Variants in CNTN5 observed in about 807,000 individuals in gnomAD.
CNTN5 encodes contactin 5.
CNTN5 carries 77 observed loss-of-function variants against 129.1 expected under a neutral mutation model. That is an observed-to-expected ratio of 0.60 (90% CI 0.50 to 0.72). The LOEUF (loss-of-function observed/expected upper bound fraction) is 0.72. Among genes scored for constraint, CNTN5 ranks in the 30% least tolerant of loss-of-function variants. CNTN5 has a pLI of 0.00. For synonymous variants in CNTN5, 509 were observed against 465.6 expected, an observed-to-expected ratio of 1.09 and a Z score of -1.20; for missense variants, 1,478 against 1,328.8, an observed-to-expected ratio of 1.11 and a Z score of -1.75.
intron 1 of CNTN5, among the ~76,000 whole-genome samples, chr11:99,078,533 T>C (rs1038200472): frequency 1.3e-5 from 2 of 152,198 alleles, no homozygotes; most frequent in African/African-American, 4.8e-5. Context: ...AACCTAATTG[T>C]GCATCAACAG....
chr11:99,516,348 G>T (rs1427498618), intron 2 of CNTN5, among the ~76,000 whole-genome samples: 1 of 151,578 alleles, frequency 6.6e-6, no homozygotes, highest in Non-Finnish European at 1.5e-5. Context: ...AATAACCTTG[G>T]GTAATTAAAA....
intron 9 of CNTN5, among the ~76,000 whole-genome samples, chr11:100,016,272 C>G (rs1940815306): frequency 6.6e-6 from 1 of 152,044 alleles, no homozygotes; most frequent in Non-Finnish European, 1.5e-5. Flanking sequence ...TTACATTTTT[C>G]AAAAACATCT....
At chr11:100,066,413 A>G (rs1268729197) in intron 10 of CNTN5, among the ~76,000 whole-genome samples, 1 of 152,164 alleles carries the variant, frequency 6.6e-6, no homozygotes, top group Non-Finnish European at 1.5e-5. Flanking sequence ...GCAACAAAAG[A>G]GGCCAATAAC....
chr11:99,784,004 G>T (rs1161780224), intron 3 of CNTN5, among the ~76,000 whole-genome samples: 1 of 151,980 alleles, frequency 6.6e-6, no homozygotes, highest in East Asian at 2.0e-4. Flanking sequence ...AGCTGTTTTT[G>T]TGTGGTCCTG....
At chr11:99,879,160 A>G (rs1050942438) in intron 6 of CNTN5, among the ~76,000 whole-genome samples, 1 of 151,836 alleles carries the variant, frequency 6.6e-6, no homozygotes, top group Non-Finnish European at 1.5e-5. Flanking sequence ...CTGGTCTCGA[A>G]CTCTTGACAT....
At chr11:99,330,074 C>T (rs1476801102) in intron 2 of CNTN5, among the ~76,000 whole-genome samples, 1 of 140,360 alleles carries the variant, frequency 7.1e-6, no homozygotes, top group African/African-American at 2.7e-5. Flanking sequence ...CTGAAAGTCT[C>T]GTAAGACTTA....
At chr11:100,159,428 AGGTTGT>A (rs1565299685) in intron 13 of CNTN5, among the ~76,000 whole-genome samples, 2 of 151,888 alleles carry the variant, frequency 1.3e-5, no homozygotes, top group East Asian at 3.9e-4. Context: ...TAAGTCACCT[AGGTTGT>A]GGATTTCTCA....
At position 99,957,019 on chromosome 11, in the gene CNTN5, T is replaced by G. The variant is rs775365705; in HGVS notation, c.877+10T>G. ...ACTCTGCGTAATGATGGTAAGTTGC[T>G]TGGCCCGTTAAAATGGTCAGCCAAC... On this transcript the variant is annotated intron_variant, in intron 8 of 24. Coordinates refer to ENST00000524871, the MANE Select transcript of CNTN5 (RefSeq NM_014361.4). The G allele has an allele frequency of 5.6e-6, 9 of 1,610,804 alleles. No individual in the cohort carries two copies. The South Asian group carries it at 9.9e-5, about 18-fold the overall frequency.
At chr11:99,130,797 A>G (rs935175962) in intron 1 of CNTN5, among the ~76,000 whole-genome samples, 1 of 152,170 alleles carries the variant, frequency 6.6e-6, no homozygotes, top group Non-Finnish European at 1.5e-5. Flanking sequence ...AAAACTCAAT[A>G]TTAAGAAACC....
intron 2 of CNTN5, among the ~76,000 whole-genome samples, chr11:99,333,972 T>TCTCA (rs1370546957): frequency 6.7e-6 from 1 of 149,100 alleles, no homozygotes; most frequent in Admixed American, 6.7e-5. Context: ...TCTCTCTCTC[T>TCTCA]CACACACACA....
chr11:99,837,719 CAT>C (rs1947352412), intron 4 of CNTN5, among the ~76,000 whole-genome samples: 2 of 147,668 alleles, frequency 1.4e-5, no homozygotes, highest in Non-Finnish European at 3.0e-5. Context: ...TCAAATATCA[CAT>C]GTGATAATGA....
intron 2 of CNTN5, among the ~76,000 whole-genome samples, chr11:99,352,810 C>T (rs1336169149): frequency 1.3e-5 from 2 of 152,120 alleles, no homozygotes; most frequent in Non-Finnish European, 2.9e-5. Context: ...TACGTGCTGT[C>T]CTTGGGGTCA....
chr11:99,809,155 A>G (rs543253029), intron 3 of CNTN5, among the ~76,000 whole-genome samples: 1 of 152,208 alleles, frequency 6.6e-6, no homozygotes, highest in South Asian at 2.1e-4. Flanking sequence ...TATGGGGGAG[A>G]ATGATGTCAG....
intron 6 of CNTN5, among the ~76,000 whole-genome samples, chr11:99,858,374 A>G (rs1163197620): frequency 3.3e-5 from 5 of 152,070 alleles, no homozygotes; most frequent in Admixed American, 1.3e-4. Context: ...GGAATTTTTG[A>G]ACAGTCATTA....
In CNTN5 at chr11:100,294,633, T is replaced by G. The variant is rs148454281; in HGVS notation, c.2315-2992T>G. On this transcript the variant is annotated intron_variant, in intron 18 of 24. Coordinates refer to ENST00000524871, the MANE Select transcript of CNTN5 (RefSeq NM_014361.4). Reference sequence around the variant, plus strand: ...AGCTGCTTAATCCTGGATTCAAATTTTATTAATTATATTTAAAATATATTT... The same window carrying G: ...AGCTGCTTAATCCTGGATTCAAATTGTATTAATTATATTTAAAATATATTT... Among the ~76,000 whole-genome samples the G allele has an allele frequency of 2.2e-3, 331 of 151,736 alleles. 1 individual carries two copies. Among genetic ancestry groups the G allele is most frequent in the Non-Finnish European group, 3.8e-3 (260 of 67,684 alleles).
At chr11:99,774,264 C>CAGAGAG (rs931687618) in intron 3 of CNTN5, among the ~76,000 whole-genome samples, 1 of 149,402 alleles carries the variant, frequency 6.7e-6, no homozygotes, top group African/African-American at 2.5e-5. Context: ...CAACACTTAT[C>CAGAGAG]AGAGTGATAA....
intron 18 of CNTN5, among the ~76,000 whole-genome samples, chr11:100,293,472 G>A (rs983743986): frequency 2.0e-5 from 3 of 151,746 alleles, no homozygotes; most frequent in African/African-American, 7.3e-5. Context: ...GATTGCGTGT[G>A]TATAGACTCA....
At chr11:99,504,063 T>C (rs1184443095) in intron 2 of CNTN5, among the ~76,000 whole-genome samples, 1 of 152,204 alleles carries the variant, frequency 6.6e-6, no homozygotes, top group Non-Finnish European at 1.5e-5. Flanking sequence ...CACCCATATT[T>C]AGGTGAATGT....
intron 1 of CNTN5, among the ~76,000 whole-genome samples, chr11:99,218,475 G>A (rs1444780396): frequency 6.6e-6 from 1 of 152,034 alleles, no homozygotes; most frequent in East Asian, 1.9e-4. Flanking sequence ...CCTGTATGTT[G>A]ACTGGGTAAT....
Sources: allele counts gnomAD v4.1 joint callset (sites outside exome capture counted in the v4.1 genomes callset), GRCh38; gene constraint gnomAD v4.1.1; transcripts MANE v1.5; gene names NCBI Gene and HGNC (gene_info 2026-07-23, HGNC 2026-07-21).